The following ZCWPW2 variants were observed in gnomAD, a reference collection of about 807,000 sequenced individuals.
The protein encoded by ZCWPW2 is zinc finger CW-type PWWP domain protein 2.
In ZCWPW2, 45 loss-of-function variants were observed where a neutral mutation model predicts 46.6. That is an observed-to-expected ratio of 0.96 (90% confidence interval 0.76 to 1.24). The LOEUF is 1.24. Among genes scored for constraint, ZCWPW2 ranks in the 50% most tolerant of loss-of-function variants. ZCWPW2 has a pLI of 0.00. For synonymous variants in ZCWPW2, 152 were observed against 137.1 expected (o/e 1.11, Z -0.76); for missense variants, 429 against 403.9 (o/e 1.06, Z -0.53).
Position 28,515,512 on chromosome 3 carries a change from G to A in ZCWPW2, c.717-42G>A, listed in dbSNP as rs569151241. The A allele has an allele frequency of 1.3e-4, 188 of 1,430,050 alleles. 8 individuals are homozygous for A. In the South Asian group the frequency reaches 2.2e-3, roughly 16 times the overall value. 88.6% of individuals were successfully genotyped at this position (1,430,050 alleles called of 1,614,324 possible). A position where few individuals can be genotyped will look rare whatever the true frequency, so the allele number is the denominator to read the frequency against. Reference sequence around the variant, plus strand: ...CACAAATGGTCATTTAAATATTCATGATTGATCTTTTGAAACTAAATCTGT... The same window carrying A: ...CACAAATGGTCATTTAAATATTCATAATTGATCTTTTGAAACTAAATCTGT... On this transcript the variant is annotated intron_variant, in intron 7 of 9. Transcript: ENST00000383768.
chr3:28,459,296 G>A (rs1370216026), intron 4 of ZCWPW2, among the ~76,000 whole-genome samples: 2 of 152,060 alleles, frequency 1.3e-5, no homozygotes, highest in East Asian at 3.9e-4. Flanking sequence ...CGTGAACCCG[G>A]GAGGCGGAGG....
intron 6 of ZCWPW2, among the ~76,000 whole-genome samples, chr3:28,495,258 AG>A (rs1363767981): frequency 6.6e-6 from 1 of 152,138 alleles, no homozygotes; most frequent in East Asian, 1.9e-4. Context: ...CTTTGCAGAG[AG>A]GAATTCAATA....
intron 2 of ZCWPW2, among the ~76,000 whole-genome samples, chr3:28,393,232 A>G (rs988521614): frequency 1.3e-5 from 2 of 152,138 alleles, no homozygotes; most frequent in Non-Finnish European, 2.9e-5. Context: ...TATGTAACCT[A>G]CCAAGATGGA....
chr3:28,362,562 G>GT (rs1018051643), intron 1 of ZCWPW2, among the ~76,000 whole-genome samples: 29 of 152,076 alleles, frequency 1.9e-4, no homozygotes, highest in African/African-American at 6.8e-4. Flanking sequence ...TCACTAAAAG[G>GT]TAAAAAAATG....
intron 1 of ZCWPW2, among the ~76,000 whole-genome samples, chr3:28,370,327 A>T (rs1242716783): frequency 6.6e-6 from 1 of 152,202 alleles, no homozygotes; most frequent in East Asian, 1.9e-4. Flanking sequence ...TTGTCGCATA[A>T]CAACCCTAAA....
intron 6 of ZCWPW2, among the ~76,000 whole-genome samples, chr3:28,494,911 G>C (rs1699935082): frequency 2.0e-5 from 3 of 147,752 alleles, no homozygotes; most frequent in Non-Finnish European, 4.5e-5. Flanking sequence ...ACAAACCACT[G>C]CTCAAGGAAA....
intron 1 of ZCWPW2, among the ~76,000 whole-genome samples, chr3:28,375,098 T>G (rs1044167348): frequency 1.3e-5 from 2 of 152,032 alleles, no homozygotes; most frequent in African/African-American, 4.8e-5. Context: ...CTTCATCTCT[T>G]TTTAGTCTTT....
intron 1 of ZCWPW2, among the ~76,000 whole-genome samples, chr3:28,371,238 G>A (rs1190572096): frequency 6.6e-6 from 1 of 152,010 alleles, no homozygotes; most frequent in Non-Finnish European, 1.5e-5. Flanking sequence ...TTTTGTTAAA[G>A]AAAAAATTTT....
intron 1 of ZCWPW2, among the ~76,000 whole-genome samples, chr3:28,388,041 G>A (rs1385362353): frequency 6.6e-6 from 1 of 152,134 alleles, no homozygotes; most frequent in Non-Finnish European, 1.5e-5. Flanking sequence ...AGGTTAGCAG[G>A]CTGGAGACAG....
At chr3:28,518,608 T>C (rs949745592) in intron 8 of ZCWPW2, among the ~76,000 whole-genome samples, 1 of 152,206 alleles carries the variant, frequency 6.6e-6, no homozygotes, top group African/African-American at 2.4e-5. Context: ...GTGTACATAT[T>C]TCTTCAGATC....
chr3:28,490,954 A>G (rs1033305217), intron 5 of ZCWPW2, among the ~76,000 whole-genome samples: 3 of 152,114 alleles, frequency 2.0e-5, no homozygotes, highest in Non-Finnish European at 2.9e-5. Context: ...ATTTTGGATG[A>G]AATACATATA....
chr3:28,384,674 A>G (rs1158259153), intron 1 of ZCWPW2, among the ~76,000 whole-genome samples: 5 of 143,854 alleles, frequency 3.5e-5, no homozygotes, highest in Non-Finnish European at 7.5e-5. Flanking sequence ...GTGCAGTGGG[A>G]CCATGTTGGC....
intron 9 of ZCWPW2, 58 bp downstream of exon 9, chr3:28,521,174 G>T: frequency 6.5e-7 from 1 of 1,529,594 alleles, no homozygotes; most frequent in Non-Finnish European, 8.7e-7. Flanking sequence ...TTAAACAGCA[G>T]AATTGTTCCT....
chr3:28,366,578 CA>C (rs1705126296), intron 1 of ZCWPW2, among the ~76,000 whole-genome samples: 1 of 140,432 alleles, frequency 7.1e-6, no homozygotes, highest in Non-Finnish European at 1.5e-5. Context: ...CATCAATGTT[CA>C]TCAGGGATAT....
chr3:28,375,888 A>G (rs1278409548), intron 1 of ZCWPW2, among the ~76,000 whole-genome samples: 1 of 152,080 alleles, frequency 6.6e-6, no homozygotes, highest in Non-Finnish European at 1.5e-5. Flanking sequence ...TAAAAACATG[A>G]AATGTTTGTG....
intron 5 of ZCWPW2, among the ~76,000 whole-genome samples, chr3:28,483,593 A>G (rs1044807403): frequency 6.6e-6 from 1 of 152,206 alleles, no homozygotes; most frequent in African/African-American, 2.4e-5. Context: ...CATCTTGACC[A>G]TATTGAGTCT....
At chr3:28,490,181 G>A (rs564495510) in intron 5 of ZCWPW2, among the ~76,000 whole-genome samples, 10 of 152,096 alleles carry the variant, frequency 6.6e-5, no homozygotes, top group Admixed American at 1.3e-4. Flanking sequence ...AAATACTGGC[G>A]AGGTTGCAGA....
intron 4 of ZCWPW2, among the ~76,000 whole-genome samples, chr3:28,462,422 C>T (rs1210224003): frequency 6.6e-6 from 1 of 152,152 alleles, no homozygotes; most frequent in Non-Finnish European, 1.5e-5. Flanking sequence ...CCATGATGGG[C>T]TGAAGAGCAG....
At chr3:28,394,795 CTA>C (rs1312711984) in intron 2 of ZCWPW2, among the ~76,000 whole-genome samples, 2 of 152,092 alleles carry the variant, frequency 1.3e-5, no homozygotes, top group African/African-American at 4.8e-5. Flanking sequence ...AGACCTGAAA[CTA>C]TATAACTCCT....
Sources: gnomAD v4.1 joint callset for allele counts (sites outside exome capture counted in the v4.1 genomes callset) on GRCh38, gnomAD v4.1.1 for gene constraint, MANE v1.5 for transcripts, NCBI Gene and HGNC (gene_info 2026-07-23, HGNC 2026-07-21) for gene names.